PAPSS2: variants seen among roughly 807,000 people sequenced by gnomAD.
PAPSS2 encodes the protein bifunctional 3'-phosphoadenosine 5'-phosphosulfate synthase 2.
PAPSS2 carries 61 observed loss-of-function variants against 66.5 expected under a neutral mutation model. That is an observed-to-expected ratio of 0.92 (90% CI 0.75 to 1.14). The LOEUF (loss-of-function observed/expected upper bound fraction) is 1.14, where lower values mean the gene tolerates loss of function less well. PAPSS2 is among the 50% of genes most tolerant of loss of function. The probability of loss-of-function intolerance (pLI) is 0.00; values close to 1 mark genes in which losing one functional copy is unlikely to be tolerated. For missense variants in PAPSS2, 708 were observed against 789.6 expected, an observed-to-expected ratio of 0.90 and a Z score of 1.24; for synonymous variants, 289 against 287.5, an observed-to-expected ratio of 1.01 and a Z score of -0.05.
rs57142645 is a variant in PAPSS2 at position 87,737,672 on chromosome 10, A to T, written c.1087-3563A>T. The stretch of plus-strand genomic sequence containing the variant: ...CCTGTCTCTACAAAAAAAAAATTTT[A>T]AAATTAGCCAGGTGTGGTGGCATGC... On this transcript the variant is annotated intron_variant, in intron 9 of 12. Coordinates refer to ENST00000456849, the MANE Select transcript of PAPSS2 (RefSeq NM_001015880.2). Among the ~76,000 whole-genome samples, 618 of 152,278 alleles carry T rather than the reference A, an allele frequency of 4.1e-3. 3 individuals are homozygous for T. Among genetic ancestry groups the T allele is most frequent in the African/African-American group, 0.014 (590 of 41,552 alleles).
rs1307443961 is a variant in PAPSS2, at chr10:87,709,205, C to T, written c.37C>T (p.Gln13Ter). 6.2e-7 allele frequency: 1 copy of T among 1,609,806 alleles called. No homozygotes were observed. The highest frequency in any genetic ancestry group is 2.2e-5 in the East Asian group (1 of 44,818). The change falls in exon 2 of 13, where the codon CAG becomes TAG. Residue 13 changes from glutamine to a stop codon, truncating the protein, a stop_gained. Transcript: ENST00000456849. LOFTEE classifies it high-confidence loss of function. ...GIKKQKTENQ[Q>*]KSTNVVYQAH... Reference sequence around the variant, plus strand: ...TTGTCTTATTTTATAGGAGAACCAGCAGAAATCCACCAATGTAGTCTATCA... The same window carrying T: ...TTGTCTTATTTTATAGGAGAACCAGTAGAAATCCACCAATGTAGTCTATCA...
At chr10:87,711,643 A>T (rs1362320660) in intron 2 of PAPSS2, among the ~76,000 whole-genome samples, 1 of 152,244 alleles carries the variant, frequency 6.6e-6, no homozygotes, top group South Asian at 2.1e-4. Flanking sequence ...CACGTTCTTC[A>T]TACAGCCATT....
At chr10:87,712,033 C>G (rs1853468337) in intron 2 of PAPSS2, among the ~76,000 whole-genome samples, 1 of 151,926 alleles carries the variant, frequency 6.6e-6, no homozygotes, top group Non-Finnish European at 1.5e-5. Context: ...GTGTTTCTTT[C>G]CCTTCTTATG....
intron 1 of PAPSS2, among the ~76,000 whole-genome samples, chr10:87,676,246 A>C (rs888727491): frequency 4.6e-5 from 7 of 152,128 alleles, no homozygotes; most frequent in African/African-American, 1.7e-4. Flanking sequence ...ATCACAATTA[A>C]GGAAGTGGCT....
rs1395152964 is a variant in PAPSS2, at chr10:87,721,773, A to G, written c.880+3A>G. The G allele has an allele frequency of 4.6e-6, 7 of 1,508,166 alleles. No homozygotes were observed. Among genetic ancestry groups the G allele is most frequent in the Middle Eastern group, 1.7e-4 (1 of 5,886 alleles). 93.4% of individuals were successfully genotyped at this position (1,508,166 alleles called of 1,614,324 possible). ...TTCCCTAGGCATGGCCCTTCCTGGT[A>G]TGTACTTTAACTTTCCAAGTAGCTA... On this transcript the variant is annotated splice_donor_region_variant and intron_variant, in intron 8 of 12. Transcript: ENST00000456849.
chr10:87,671,578 A>C (rs376233844), intron 1 of PAPSS2, among the ~76,000 whole-genome samples: 1 of 152,226 alleles, frequency 6.6e-6, no homozygotes, highest in African/African-American at 2.4e-5. Context: ...AGCCTTGTCC[A>C]TTATGTGAGT....
At chr10:87,709,760 T>C (rs1297996958) in intron 2 of PAPSS2, among the ~76,000 whole-genome samples, 1 of 152,238 alleles carries the variant, frequency 6.6e-6, no homozygotes, top group Admixed American at 6.5e-5. Context: ...TGTTTTGACA[T>C]TCTAGGAGAC....
At chr10:87,675,384 T>A (rs1852931370) in intron 1 of PAPSS2, among the ~76,000 whole-genome samples, 1 of 152,242 alleles carries the variant, frequency 6.6e-6, no homozygotes. Flanking sequence ...AAACTTGGTA[T>A]GTGTGTATTT....
chr10:87,702,238 G>C (rs1305111467), intron 1 of PAPSS2, among the ~76,000 whole-genome samples: 2 of 152,092 alleles, frequency 1.3e-5, no homozygotes, highest in African/African-American at 2.4e-5. Context: ...CACATAACTG[G>C]GACTGGAAAC....
At position 87,743,582 on chromosome 10, in the gene PAPSS2, C is replaced by G; in HGVS notation, c.1432C>G (p.Pro478Ala). ...AAVLEEGVLDPKSTIVAIFPS... is the reference protein window; with the variant it reads ...AAVLEEGVLDAKSTIVAIFPS... Reference sequence around the variant, plus strand: ...TGTGCTCGAGGAAGGGGTCCTGGATCCCAAGTCAACCATTGTTGCCATCTT... The same window carrying G: ...TGTGCTCGAGGAAGGGGTCCTGGATGCCAAGTCAACCATTGTTGCCATCTT... The change falls in exon 11 of 13, where the codon CCC (proline) becomes GCC (alanine). Residue 478 changes from proline (P) to alanine (A), a missense_variant. By Grantham distance (27) the Pro-to-Ala change is conservative. Transcript: ENST00000456849. The G allele has an allele frequency of 6.2e-7, 1 of 1,614,148 alleles. No individual in the cohort carries two copies. Among genetic ancestry groups the G allele is most frequent in the Non-Finnish European group, 8.5e-7 (1 of 1,180,008 alleles).
chr10:87,729,197 C>A (rs894901866), intron 9 of PAPSS2, among the ~76,000 whole-genome samples: 6 of 151,548 alleles, frequency 4.0e-5, no homozygotes, highest in Non-Finnish European at 5.9e-5. Context: ...TTTTACTATG[C>A]TTCACTTTAT....
intron 9 of PAPSS2, among the ~76,000 whole-genome samples, chr10:87,731,820 G>A (rs572777107): frequency 3.9e-5 from 6 of 152,324 alleles, no homozygotes; most frequent in African/African-American, 1.4e-4. Flanking sequence ...TTGAAAGGAT[G>A]AGGAGTTGCT....
chr10:87,663,958 G>T (rs1363815873), intron 1 of PAPSS2, among the ~76,000 whole-genome samples: 1 of 152,190 alleles, frequency 6.6e-6, no homozygotes, highest in Admixed American at 6.5e-5. Context: ...ACAGGCTGGA[G>T]TGCAGTGCTG....
chr10:87,709,348 A>T, intron 2 of PAPSS2, 35 bp downstream of exon 2: 1 of 1,193,874 alleles, frequency 8.4e-7, no homozygotes, highest in Admixed American at 1.7e-5. Context: ...TATATATACA[A>T]ATTGCAAACT....
At chr10:87,715,157 T>C in intron 6 of PAPSS2, 59 bp downstream of exon 6, 1 of 878,220 alleles carries the variant, frequency 1.1e-6, no homozygotes, top group Non-Finnish European at 1.9e-6. Context: ...ATAATTTATT[T>C]ACAATTACTC....
chr10:87,738,343 A>C (rs779625051), intron 9 of PAPSS2, among the ~76,000 whole-genome samples: 2 of 152,160 alleles, frequency 1.3e-5, no homozygotes, highest in African/African-American at 4.8e-5. Flanking sequence ...AACAGTGTAC[A>C]AGGGTTCCAA....
At chr10:87,729,862 G>C (rs1853706997) in intron 9 of PAPSS2, among the ~76,000 whole-genome samples, 2 of 152,104 alleles carry the variant, frequency 1.3e-5, no homozygotes, top group Non-Finnish European at 2.9e-5. Context: ...CGGGCATGGT[G>C]GTGCATGCCT....
chr10:87,742,255 T>A (rs908077358), intron 10 of PAPSS2, among the ~76,000 whole-genome samples: 1 of 152,240 alleles, frequency 6.6e-6, no homozygotes, highest in Non-Finnish European at 1.5e-5. Flanking sequence ...GAACAATATG[T>A]AGAGCATAAT....
At chr10:87,693,365 T>A (rs752952697) in intron 1 of PAPSS2, among the ~76,000 whole-genome samples, 3 of 152,226 alleles carry the variant, frequency 2.0e-5, no homozygotes, top group Non-Finnish European at 4.4e-5. Context: ...AGCAGCTGAA[T>A]GAATTTTGAA....
Sources: gnomAD v4.1 joint callset for allele counts (sites outside exome capture counted in the v4.1 genomes callset) on GRCh38, gnomAD v4.1.1 for gene constraint, MANE v1.5 for transcripts, NCBI Gene and HGNC (gene_info 2026-07-23, HGNC 2026-07-21) for gene names.